Variants in FLT3 observed in about 807,000 individuals in gnomAD.
The protein encoded by FLT3 is fms related receptor tyrosine kinase 3, also known as receptor-type tyrosine-protein kinase FLT3.
In FLT3, 46 loss-of-function variants were observed where a neutral mutation model predicts 126.6. The observed-to-expected ratio is 0.36, with a 90% CI of 0.29 to 0.46. FLT3 has a LOEUF of 0.46. Among genes scored for constraint, FLT3 ranks in the 20% least tolerant of loss-of-function variants. The pLI is 1.00. For synonymous variants in FLT3, 404 were observed against 434.4 expected (o/e 0.93, Z 0.87); for missense variants, 1,069 against 1,190.3 (o/e 0.90, Z 1.50).
intron 2 of FLT3, among the ~76,000 whole-genome samples, chr13:28,069,892 T>A (rs1200639648): frequency 2.0e-5 from 3 of 152,114 alleles, no homozygotes; most frequent in Non-Finnish European, 4.4e-5. Flanking sequence ...GGTGGTAGGA[T>A]CAGTTGAGCC....
chr13:28,029,808 T>G (rs1033345634), intron 15 of FLT3, among the ~76,000 whole-genome samples: 1 of 152,192 alleles, frequency 6.6e-6, no homozygotes, highest in African/African-American at 2.4e-5. Context: ...CTAGAACATA[T>G]TGGTTGGCCA....
chr13:28,048,293 C>A lies in FLT3; in HGVS notation c.1187G>T (p.Gly396Val), dbSNP rs1231767049. Reference protein sequence around the residue: ...SRKSFPCEQKGLDNGYSISKF... With the variant: ...SRKSFPCEQKVLDNGYSISKF... ...GTCTCACCTGTATCCGTTATCAAGA[C>A]CCTTTTGCTCACAAGGAAATGATTT... Residue 396 changes from glycine (G) to valine (V), a missense_variant, in exon 9 of 24, where the codon GGT becomes GTT. By Grantham distance (109) the Gly-to-Val change is moderately radical (BLOSUM62 -3). Transcript: ENST00000241453. The A allele has an allele frequency of 1.9e-6, 3 of 1,613,762 alleles. No individual in the cohort carries two copies. The highest frequency in any genetic ancestry group is 2.5e-6 in the Non-Finnish European group (3 of 1,179,824).
chr13:28,096,463 G>C (rs1440089408), intron 1 of FLT3, among the ~76,000 whole-genome samples: 3 of 151,206 alleles, frequency 2.0e-5, no homozygotes, highest in African/African-American at 7.3e-5. Context: ...TTGAGATGGA[G>C]TCGCACTCTG....
chr13:28,016,947 G>A (rs1004045600), intron 20 of FLT3, among the ~76,000 whole-genome samples: 12 of 152,074 alleles, frequency 7.9e-5, no homozygotes, highest in African/African-American at 2.9e-4. Context: ...TGGTTTTATT[G>A]GCTTTTTCCC....
Position 28,052,526 on chromosome 13 carries a change from TAC to T in FLT3, c.614+17_614+18del, listed in dbSNP as rs748017696. The T allele has an allele frequency of 1.3e-5, 20 of 1,598,240 alleles. No individual in the cohort carries two copies. The highest frequency in any genetic ancestry group is 1.7e-5 in the Non-Finnish European group (20 of 1,173,188). Reference sequence around the variant, plus strand: ...AAAAGGAAATTATGAGAATAGCAGCTACCATGGATGTGTCATACCTTTCCCCC... The same window carrying T: ...AAAAGGAAATTATGAGAATAGCAGCTCATGGATGTGTCATACCTTTCCCCC... On this transcript the variant is annotated intron_variant, in intron 5 of 23. Transcript: ENST00000241453.
chr13:28,079,494 A>G (rs558633546), intron 1 of FLT3, among the ~76,000 whole-genome samples: 1 of 151,850 alleles, frequency 6.6e-6, no homozygotes, highest in East Asian at 1.9e-4. Context: ...GCAGCACCCC[A>G]CTCTACTGGT....
rs61953166 is a variant in FLT3, at chr13:28,071,047, T to G, written c.44-435A>C. 6.7e-3 allele frequency among the ~76,000 whole-genome samples: 889 copies of G among 133,666 alleles called. 4 individuals are homozygous for G. Among genetic ancestry groups the G allele is most frequent in the Admixed American group, 0.029 (311 of 10,740 alleles). The allele number at this position is 133,666 out of a possible 152,430, so 87.7% of individuals were successfully genotyped here. On this transcript the variant is annotated intron_variant, in intron 1 of 23. Coordinates refer to ENST00000241453, the MANE Select transcript of FLT3 (RefSeq NM_004119.3). ...TCTCGCTCTGTCGCCCAGGCTGGAG[T>G]GCAGTGGCGCGTTCTTGGCTCACTG...
intron 4 of FLT3, among the ~76,000 whole-genome samples, chr13:28,054,835 C>A (rs970170098): frequency 1.3e-5 from 2 of 152,138 alleles, no homozygotes; most frequent in Non-Finnish European, 2.9e-5. Context: ...CTTTAAAGTG[C>A]CTAAGTTTAT....
At chr13:28,006,803 G>A (rs894121781) in intron 23 of FLT3, among the ~76,000 whole-genome samples, 1 of 144,274 alleles carries the variant, frequency 6.9e-6, no homozygotes, top group African/African-American at 2.6e-5. Context: ...CTGGAGTGTT[G>A]TGGCATGATC....
chr13:28,025,064 C>G (rs1872693602), intron 17 of FLT3, 121 bp from the exon 18 acceptor site: 8 of 664,886 alleles, frequency 1.2e-5, no homozygotes, highest in East Asian at 2.7e-5. Flanking sequence ...AAATTAAAAG[C>G]ACACCATCCA....
At chr13:28,030,254 C>T (rs538920725) in intron 15 of FLT3, among the ~76,000 whole-genome samples, 154 of 152,296 alleles carry the variant, frequency 1.0e-3, no homozygotes, top group African/African-American at 3.6e-3. Flanking sequence ...CTGGGACCCC[C>T]TAATACATCA....
chr13:28,035,463 A>G, intron 12 of FLT3, 32 bp downstream of exon 12: 1 of 1,592,638 alleles, frequency 6.3e-7, no homozygotes, highest in Non-Finnish European at 8.6e-7. Flanking sequence ...GGAATTCCTG[A>G]TGGTGGAATA....
At chr13:28,059,060 T>C (rs758392496) in intron 3 of FLT3, among the ~76,000 whole-genome samples, 5 of 152,100 alleles carry the variant, frequency 3.3e-5, no homozygotes, top group Non-Finnish European at 5.9e-5. Context: ...AAGTGAGTAA[T>C]ACAATCGCAA....
intron 3 of FLT3, among the ~76,000 whole-genome samples, chr13:28,058,985 A>G (rs1876292814): frequency 6.6e-6 from 1 of 152,212 alleles, no homozygotes; most frequent in African/African-American, 2.4e-5. Flanking sequence ...CAATAAAAAG[A>G]AAAAATGTGG....
intron 15 of FLT3, among the ~76,000 whole-genome samples, chr13:28,033,345 T>C (rs772983812): frequency 1.3e-5 from 2 of 151,914 alleles, no homozygotes; most frequent in African/African-American, 4.8e-5. Flanking sequence ...CTGTGGCAAC[T>C]GTATCCCCAA....
At chr13:28,026,981 C>G (rs960572717) in intron 17 of FLT3, 107 bp downstream of exon 17, 11 of 922,368 alleles carry the variant, frequency 1.2e-5, no homozygotes, top group Non-Finnish European at 1.9e-5. Flanking sequence ...GCAGGACCCA[C>G]AGACTTCACG....
At chr13:28,072,099 A>G (rs1022182863) in intron 1 of FLT3, among the ~76,000 whole-genome samples, 1 of 150,732 alleles carries the variant, frequency 6.6e-6, no homozygotes, top group Non-Finnish European at 1.5e-5. Context: ...TGCAGTGTAC[A>G]TCATATATTC....
chr13:28,065,587 A>G (rs1876944546), intron 2 of FLT3, among the ~76,000 whole-genome samples: 1 of 151,510 alleles, frequency 6.6e-6, no homozygotes, highest in Non-Finnish European at 1.5e-5. Flanking sequence ...GGCTGAAGTG[A>G]GCTATGTTTG....
intron 1 of FLT3, among the ~76,000 whole-genome samples, chr13:28,072,643 G>A (rs1877618268): frequency 6.6e-6 from 1 of 152,194 alleles, no homozygotes; most frequent in Non-Finnish European, 1.5e-5. Flanking sequence ...TGATTCAGCT[G>A]CCTTGGCCTC....
Sources: allele counts gnomAD v4.1 joint callset (sites outside exome capture counted in the v4.1 genomes callset), GRCh38; gene constraint gnomAD v4.1.1; transcripts MANE v1.5; gene names NCBI Gene and HGNC (gene_info 2026-07-23, HGNC 2026-07-21).